The following OSBPL11 variants were observed in gnomAD, a reference collection of about 807,000 sequenced individuals.
OSBPL11 encodes the protein oxysterol-binding protein-related protein 11.
Under a neutral mutation model 84.4 loss-of-function variants are expected in OSBPL11, and 33 were observed. The observed-to-expected ratio is 0.39, with a 90% CI of 0.30 to 0.52. The LOEUF is 0.52. Ranked by LOEUF, OSBPL11 falls within the 20% of genes least tolerant of loss-of-function variation. The pLI is 0.72. For missense variants in OSBPL11, 736 were observed against 901.1 expected (o/e 0.82, Z 2.35); for synonymous variants, 276 against 310.2 (o/e 0.89, Z 1.16).
intron 11 of OSBPL11, among the ~76,000 whole-genome samples, chr3:125,536,078 T>C (rs546004697): frequency 1.4e-5 from 2 of 146,912 alleles, no homozygotes; most frequent in African/African-American, 5.2e-5. Context: ...GAGGTTGCAG[T>C]GAGCCGAGAT....
chr3:125,546,528 C>T (rs771742677), intron 10 of OSBPL11, among the ~76,000 whole-genome samples: 11 of 152,206 alleles, frequency 7.2e-5, no homozygotes, highest in South Asian at 4.1e-4. Flanking sequence ...GACGGAGTCT[C>T]GTCATGTTGG....
chr3:125,587,178 A>T (rs1936526477), intron 1 of OSBPL11, among the ~76,000 whole-genome samples: 2 of 152,228 alleles, frequency 1.3e-5, no homozygotes, highest in Non-Finnish European at 2.9e-5. Context: ...AGAAGGCTGA[A>T]ATGACTAGAT....
In OSBPL11 at chr3:125,576,304, G is replaced by A. The variant is rs746035150; in HGVS notation, c.551C>T (p.Ser184Leu). Residue 184 changes from serine (S) to leucine (L), a missense_variant, in exon 5 of 13, where the codon TCG becomes TTG. Around this residue, in one of 3 missense-constraint regions of OSBPL11, gnomAD observed 579 missense variants for 717.6 expected, o/e 0.81. Coordinates refer to ENST00000296220, the MANE Select transcript of OSBPL11 (RefSeq NM_022776.5). ...GGCATTTTGACTTGGTCTCCTCTGCGATATAGGAGAATTACTACTAGATGC... is the reference window on the plus strand; with the variant it reads ...GGCATTTTGACTTGGTCTCCTCTGCAATATAGGAGAATTACTACTAGATGC... The part of the protein sequence containing the change: ...SLASSSNSPI[S>L]QRRPSQNAIS... 29 of 1,608,218 alleles carry A rather than the reference G, an allele frequency of 1.8e-5. No homozygotes were observed. Among genetic ancestry groups the A allele is most frequent in the South Asian group, 1.2e-4 (11 of 90,262 alleles).
intron 5 of OSBPL11, among the ~76,000 whole-genome samples, chr3:125,573,749 G>A (rs1285005770): frequency 6.6e-6 from 1 of 151,736 alleles, no homozygotes; most frequent in Non-Finnish European, 1.5e-5. Flanking sequence ...CAGCATGCCT[G>A]TAATCTCAGC....
chr3:125,552,922 A>G (rs1263219632), intron 8 of OSBPL11, among the ~76,000 whole-genome samples: 1 of 152,200 alleles, frequency 6.6e-6, no homozygotes, highest in African/African-American at 2.4e-5. Flanking sequence ...GTTCGAAACC[A>G]GCTGAGGCAA....
At chr3:125,590,551 T>A (rs1025421209) in intron 1 of OSBPL11, among the ~76,000 whole-genome samples, 2 of 152,032 alleles carry the variant, frequency 1.3e-5, no homozygotes, top group Non-Finnish European at 2.9e-5. Flanking sequence ...CCAGACTCTG[T>A]CTCAAAAAAA....
chr3:125,567,371 C>T (rs16836866), intron 6 of OSBPL11, 23 bp downstream of exon 6: 71,010 of 1,581,218 alleles, frequency 0.045, 2,045 homozygotes, highest in African/African-American at 0.12. Flanking sequence ...ATTGTGAAGC[C>T]CTACCTTTAA....
intron 11 of OSBPL11, among the ~76,000 whole-genome samples, chr3:125,537,020 C>A (rs969035097): frequency 6.6e-6 from 1 of 151,656 alleles, no homozygotes; most frequent in Non-Finnish European, 1.5e-5. Context: ...ATTAGCCAGG[C>A]GTGGTGGTCG....
intron 5 of OSBPL11, among the ~76,000 whole-genome samples, chr3:125,573,012 T>A (rs1237437289): frequency 3.4e-5 from 5 of 147,444 alleles, no homozygotes; most frequent in Non-Finnish European, 7.5e-5. Context: ...GTATATATAG[T>A]GTGTGTGTGT....
chr3:125,579,823 AAG>A, intron 3 of OSBPL11, 40 bp downstream of exon 3: 10 of 1,587,754 alleles, frequency 6.3e-6, no homozygotes, highest in Non-Finnish European at 7.8e-6. Context: ...TTCTCAAAAA[AAG>A]AGGAAAATCA....
Position 125,539,664 on chromosome 3 carries a change from G to A in OSBPL11, c.1842-1031C>T, listed in dbSNP as rs149802814. ...GGGGTTTTGCCATGTTGGCCAGGCTGGTCTTGAACTCCAACCTCAGGTGAT... is the reference window on the plus strand; with the variant it reads ...GGGGTTTTGCCATGTTGGCCAGGCTAGTCTTGAACTCCAACCTCAGGTGAT... On this transcript the variant is annotated intron_variant, in intron 10 of 12. Transcript: ENST00000296220. Among the ~76,000 whole-genome samples the A allele has an allele frequency of 4.3e-3, 653 of 152,106 alleles. 3 individuals carry two copies. The highest frequency in any genetic ancestry group is 0.015 in the African/African-American group (627 of 41,478).
At position 125,568,384 on chromosome 3, in the gene OSBPL11, T is replaced by C. The variant is rs1251220629; in HGVS notation, c.667-789A>G. Among the ~76,000 whole-genome samples, 4 of 147,616 alleles carry C rather than the reference T, an allele frequency of 2.7e-5. No homozygotes were observed. In the East Asian group the frequency reaches 7.9e-4, roughly 29 times the overall value. On this transcript the variant is annotated intron_variant, in intron 5 of 12. Transcript: ENST00000296220. Reference sequence around the variant, plus strand: ...AGACGGAGCTTGCAGTGAGCCAAGATCGCGCCACTGCATTCCAGCCTGGGC... The same window carrying C: ...AGACGGAGCTTGCAGTGAGCCAAGACCGCGCCACTGCATTCCAGCCTGGGC...
rs1449056105 is a variant in OSBPL11 at position 125,528,909 on chromosome 3, T to TA, written c.*1605dup. 1 of 152,680 alleles carries TA rather than the reference T, an allele frequency of 6.5e-6. No individual in the cohort carries two copies. The highest frequency in any genetic ancestry group is 1.5e-5 in the Non-Finnish European group (1 of 68,038). The allele number at this position is 152,680 out of a possible 1,614,324, so 9.5% of individuals were successfully genotyped here. A position where few individuals can be genotyped will look rare whatever the true frequency, so the allele number is the denominator to read the frequency against. On this transcript the variant is annotated 3_prime_UTR_variant, in exon 13 of 13. Transcript: ENST00000296220. ...GTCAATTTTCCCAACACAGGAACTA[T>TA]AACTCATTTTGAGGATTTTTTTCAG...
chr3:125,545,945 T>C (rs1425134799), intron 10 of OSBPL11, among the ~76,000 whole-genome samples: 2 of 152,030 alleles, frequency 1.3e-5, no homozygotes, highest in Non-Finnish European at 2.9e-5. Context: ...AATAAAGACA[T>C]GAAGAAGACC....
intron 10 of OSBPL11, among the ~76,000 whole-genome samples, chr3:125,541,037 A>G (rs1417315420): frequency 6.6e-6 from 1 of 152,242 alleles, no homozygotes; most frequent in Non-Finnish European, 1.5e-5. Context: ...TATTGAAACT[A>G]CTTAACTTTG....
At chr3:125,545,363 T>A (rs141335347) in intron 10 of OSBPL11, among the ~76,000 whole-genome samples, 3 of 152,224 alleles carry the variant, frequency 2.0e-5, no homozygotes, top group Non-Finnish European at 4.4e-5. Flanking sequence ...GAACTAAAAA[T>A]TGATTTTTTA....
chr3:125,538,874 A>G (rs184931881), intron 10 of OSBPL11, among the ~76,000 whole-genome samples: 26 of 152,320 alleles, frequency 1.7e-4, no homozygotes, highest in Admixed American at 1.7e-3. Flanking sequence ...CAGAGACTTC[A>G]TTATCATTAA....
chr3:125,538,467 C>T lies in OSBPL11; in HGVS notation c.2008G>A (p.Asp670Asn). 6.2e-7 allele frequency: 1 copy of T among 1,613,472 alleles called. No homozygotes were observed. The highest frequency in any genetic ancestry group is 1.3e-5 in the African/African-American group (1 of 75,032). Residue 670 changes from aspartate (D) to asparagine (N), a missense_variant, in exon 11 of 13, where the codon GAT becomes AAT. Asp to Asn is a conservative substitution (Grantham distance 23, BLOSUM62 1). This residue lies in a region of OSBPL11 where 579 missense variants were observed against 717.6 expected (regional missense o/e 0.81). Coordinates refer to ENST00000296220, the MANE Select transcript of OSBPL11 (RefSeq NM_022776.5). ...ATGACATACCTGGATTCAAATGGAT[C>T]CTGCTTCTCCAGAGGTCTCACTCTT... ...KKRVRPLEKQ[D>N]PFESRRLWKN...
intron 1 of OSBPL11, among the ~76,000 whole-genome samples, chr3:125,590,742 C>A (rs1936583256): frequency 6.6e-6 from 1 of 151,996 alleles, no homozygotes; most frequent in African/African-American, 2.4e-5. Context: ...AGTAGAGACT[C>A]AAAAATATTT....
Sources: gnomAD v4.1 joint callset for allele counts (sites outside exome capture counted in the v4.1 genomes callset) on GRCh38, gnomAD v4.1.1 for gene constraint, gnomAD v4.1.1 regional missense constraint, MANE v1.5 for transcripts, NCBI Gene and HGNC (gene_info 2026-07-23, HGNC 2026-07-21) for gene names.